Variants in RAP1GAP observed in about 807,000 individuals in gnomAD.
RAP1GAP encodes RAP1 GTPase activating protein, also known as rap1 GTPase-activating protein 1.
In RAP1GAP, 35 loss-of-function variants were observed where a neutral mutation model predicts 87.2. The ratio of observed to expected loss-of-function variants is 0.40; its 90% CI spans 0.31 to 0.53. The LOEUF (loss-of-function observed/expected upper bound fraction) is 0.53, where lower values mean the gene tolerates loss of function less well. Ranked by LOEUF, RAP1GAP falls within the 20% of genes least tolerant of loss-of-function variation. The pLI, the probability that RAP1GAP is intolerant of heterozygous loss-of-function variation, is 0.48. For missense variants in RAP1GAP, 734 were observed against 898.9 expected, an observed-to-expected ratio of 0.82 and a Z score of 2.35; for synonymous variants, 375 against 363.9, an observed-to-expected ratio of 1.03 and a Z score of -0.35.
At chr1:21,616,360 T>A (rs1455192464) in intron 7 of RAP1GAP, among the ~76,000 whole-genome samples, 1 of 152,210 alleles carries the variant, frequency 6.6e-6, no homozygotes, top group Non-Finnish European at 1.5e-5. Flanking sequence ...CACCAAGTAA[T>A]TATGAAGACA....
Position 21,606,132 on chromosome 1 carries a change from G to A in RAP1GAP, c.1362C>T (p.Thr454=), listed in dbSNP as rs2275365. The A allele has an allele frequency of 0.12, 183,064 of 1,584,250 alleles. 12,668 individuals are homozygous for A. The highest frequency in any genetic ancestry group is 0.27 in the Admixed American group (14,939 of 54,908). Residue 454 remains threonine, a synonymous_variant, in exon 18 of 25, where the codon ACC becomes ACT. Transcript: ENST00000374765. ...AMGLSNKKPN[T]VSTSHSGSFA... is the part of the protein sequence containing the mutation. ...AGCTCCCGCTGTGGCTGGTGGACACGGTGTTGGGCTTCTTGTTGCTCAGCC... is the reference window on the plus strand; with the variant it reads ...AGCTCCCGCTGTGGCTGGTGGACACAGTGTTGGGCTTCTTGTTGCTCAGCC...
At chr1:21,646,625 C>T (rs1410223759) in intron 2 of RAP1GAP, among the ~76,000 whole-genome samples, 1 of 152,248 alleles carries the variant, frequency 6.6e-6, no homozygotes, top group African/African-American at 2.4e-5. Flanking sequence ...AAAGTTGACT[C>T]TCCTCTTCCC....
intron 2 of RAP1GAP, among the ~76,000 whole-genome samples, chr1:21,630,932 T>C (rs983241853): frequency 3.3e-5 from 5 of 152,048 alleles, no homozygotes; most frequent in African/African-American, 1.2e-4. Flanking sequence ...CTGCTTCACG[T>C]CCTTTCCTGC....
chr1:21,648,123 A>C (rs2096245346), intron 2 of RAP1GAP, among the ~76,000 whole-genome samples: 1 of 152,208 alleles, frequency 6.6e-6, no homozygotes, highest in Non-Finnish European at 1.5e-5. Flanking sequence ...CTAGGCGAGC[A>C]CGGGCAAGGC....
At chr1:21,651,706 G>C in intron 1 of RAP1GAP, 285 of 732,494 alleles carry the variant, frequency 3.9e-4, no homozygotes, top group Non-Finnish European at 5.6e-4. Context: ...AGCACACCCC[G>C]CACGGGCTCC....
At chr1:21,630,963 G>A (rs911840264) in intron 2 of RAP1GAP, among the ~76,000 whole-genome samples, 1 of 151,772 alleles carries the variant, frequency 6.6e-6, no homozygotes, top group East Asian at 1.9e-4. Flanking sequence ...TCACCAGCTC[G>A]CCCATCTCTG....
intron 2 of RAP1GAP, among the ~76,000 whole-genome samples, chr1:21,637,361 C>T (rs10917028): frequency 0.17 from 26,137 of 151,090 alleles, 2,663 homozygotes; most frequent in East Asian, 0.35. Context: ...CACCATGTTG[C>T]CCAAGCTGGT....
At chr1:21,651,685 G>A (rs1164520998) in intron 1 of RAP1GAP, 1 of 612,020 alleles carries the variant, frequency 1.6e-6, no homozygotes, top group South Asian at 1.5e-5. Flanking sequence ...AGGCCCACCC[G>A]CCCAAACGCG....
intron 2 of RAP1GAP, among the ~76,000 whole-genome samples, chr1:21,645,917 A>C (rs1188033566): frequency 6.6e-6 from 1 of 152,076 alleles, no homozygotes; most frequent in Non-Finnish European, 1.5e-5. Flanking sequence ...ACCCCAGCCC[A>C]CCACTCAGCA....
rs572209497 is a variant in RAP1GAP, at chr1:21,613,589, G to A, written c.474+39C>T. The A allele has an allele frequency of 5.1e-6, 8 of 1,563,566 alleles. No homozygotes were observed. The highest frequency in any genetic ancestry group is 1.7e-5 in the Admixed American group (1 of 59,948). On this transcript the variant is annotated intron_variant, in intron 9 of 24. Transcript: ENST00000374765. The surrounding 1 kb of genome is among the most constrained non-coding windows in gnomAD (Gnocchi z 4.7). Reference sequence around the variant, plus strand: ...TGAAGCCCCACAGGTGCCCATCTGCGGAGCCAGCCCGGGAAGCTCAGCGGA... The same window carrying A: ...TGAAGCCCCACAGGTGCCCATCTGCAGAGCCAGCCCGGGAAGCTCAGCGGA...
At chr1:21,635,072 G>A (rs1402061384) in intron 2 of RAP1GAP, among the ~76,000 whole-genome samples, 2 of 152,154 alleles carry the variant, frequency 1.3e-5, no homozygotes, top group Non-Finnish European at 2.9e-5. Context: ...AAGAAAACTG[G>A]AGCCTGGATG....
intron 1 of RAP1GAP, among the ~76,000 whole-genome samples, chr1:21,650,760 C>A (rs902236154): frequency 6.6e-6 from 1 of 152,170 alleles, no homozygotes; most frequent in Non-Finnish European, 1.5e-5. Flanking sequence ...CAGGGCCTAG[C>A]CCAGGCTCCT....
chr1:21,618,052 C>T lies in RAP1GAP; in HGVS notation c.67-80G>A, dbSNP rs1175505379. 6 of 1,573,266 alleles carry T rather than the reference C, an allele frequency of 3.8e-6. No homozygotes were observed. In the East Asian group the frequency reaches 1.3e-4, roughly 35 times the overall value. ...CCAGAGCTGGCCTCTGCTTGGCCAG[C>T]CTCAGGGCTGAGAGTGCGGATGGGG... is the stretch of plus-strand genomic sequence containing the variant. On this transcript the variant is annotated intron_variant, in intron 5 of 24. Coordinates refer to ENST00000374765, the MANE Select transcript of RAP1GAP (RefSeq NM_002885.4).
chr1:21,661,144 C>G (rs1457478376), intron 1 of RAP1GAP, among the ~76,000 whole-genome samples: 1 of 151,766 alleles, frequency 6.6e-6, no homozygotes, highest in Non-Finnish European at 1.5e-5. Flanking sequence ...CCTGGCTACT[C>G]AGCAGGCTGA....
intron 1 of RAP1GAP, among the ~76,000 whole-genome samples, chr1:21,650,171 G>A (rs1394848964): frequency 2.6e-5 from 4 of 152,064 alleles, no homozygotes; most frequent in Non-Finnish European, 4.4e-5. Context: ...TTCTAGGCAG[G>A]ATGGAAGTTT....
chr1:21,635,107 C>T (rs557247237), intron 2 of RAP1GAP, among the ~76,000 whole-genome samples: 1 of 152,304 alleles, frequency 6.6e-6, no homozygotes, highest in East Asian at 1.9e-4. Context: ...CAAGCTTCCA[C>T]CCCGAAGCTC....
intron 16 of RAP1GAP, 84 bp downstream of exon 16, chr1:21,608,766 G>A: frequency 7.2e-7 from 1 of 1,386,112 alleles, no homozygotes; most frequent in Non-Finnish European, 1.0e-6. Flanking sequence ...TCTGAACATG[G>A]CTTTTCCCTT....
chr1:21,604,476 G>C (rs1458101160), intron 18 of RAP1GAP, among the ~76,000 whole-genome samples: 1 of 152,168 alleles, frequency 6.6e-6, no homozygotes, highest in African/African-American at 2.4e-5. Flanking sequence ...GAAACACAGA[G>C]AGAGGGAGAG....
rs140651643 is a variant in RAP1GAP, at chr1:21,602,081, C to T, written c.1539-284G>A. ...TATGGATAAGGAACCTGCCCAGGGA[C>T]GCACAGCTAGGACGTGGCAGTGCCA... On this transcript the variant is annotated intron_variant, in intron 19 of 24. Coordinates refer to ENST00000374765, the MANE Select transcript of RAP1GAP (RefSeq NM_002885.4). 6.0e-4 allele frequency among the ~76,000 whole-genome samples: 91 copies of T among 152,328 alleles called. 1 individual carries two copies. The highest frequency in any genetic ancestry group is 2.5e-3 in the Admixed American group (39 of 15,310).
Sources: allele counts gnomAD v4.1 joint callset (sites outside exome capture counted in the v4.1 genomes callset), GRCh38; gene constraint gnomAD v4.1.1; non-coding constraint Gnocchi (gnomAD v3.1); transcripts MANE v1.5; gene names NCBI Gene and HGNC (gene_info 2026-07-23, HGNC 2026-07-21).